Variants in MRPL1 observed in about 807,000 individuals in gnomAD.
MRPL1 encodes the protein mitochondrial ribosomal protein L1.
Under a neutral mutation model 38.0 loss-of-function variants are expected in MRPL1, and 28 were observed. That is an observed-to-expected ratio of 0.74 (90% CI 0.55 to 1.01). MRPL1 has a LOEUF of 1.01. Ranked by LOEUF, MRPL1 falls within the 50% of genes least tolerant of loss-of-function variation. The pLI, the probability that MRPL1 is intolerant of heterozygous loss-of-function variation, is 0.00. For synonymous variants in MRPL1, 123 were observed against 126.7 expected, an observed-to-expected ratio of 0.97 and a Z score of 0.20; for missense variants, 358 against 389.8, an observed-to-expected ratio of 0.92 and a Z score of 0.69.
chr4:77,865,362 CTTCTCATTTGAAGGCAA>C (rs1426286638), intron 1 of MRPL1, among the ~76,000 whole-genome samples: 1 of 151,902 alleles, frequency 6.6e-6, no homozygotes, highest in Non-Finnish European at 1.5e-5. Flanking sequence ...CAGTCTTTTT[CTTCTCATTTGAAGGCAA>C]TTCCATCCTT....
intron 7 of MRPL1, among the ~76,000 whole-genome samples, chr4:77,917,686 C>G (rs985554118): frequency 2.0e-5 from 3 of 151,858 alleles, no homozygotes; most frequent in African/African-American, 7.3e-5. Context: ...CTTTTTTCCT[C>G]AAGAAAAATA....
At chr4:77,879,951 C>CTAAAAGTGTACTAAAG (rs1474338437) in intron 2 of MRPL1, among the ~76,000 whole-genome samples, 16 of 152,120 alleles carry the variant, frequency 1.1e-4, no homozygotes, top group Non-Finnish European at 1.5e-5. Context: ...TAAGGATTTA[C>CTAAAAGTGTACTAAAG]TGAGTACTAA....
At chr4:77,883,557 GTTTC>G (rs772659330) in intron 3 of MRPL1, 57 bp downstream of exon 3, 33 of 1,434,906 alleles carry the variant, frequency 2.3e-5, no homozygotes, top group Non-Finnish European at 3.1e-5. Context: ...ATGAATTGGT[GTTTC>G]TTTATTTTAT....
intron 7 of MRPL1, among the ~76,000 whole-genome samples, chr4:77,921,623 C>T (rs75939945): frequency 0.044 from 6,719 of 152,120 alleles, 184 homozygotes; most frequent in African/African-American, 0.072. Flanking sequence ...TCAAAAAGTT[C>T]TGAGAAAAGT....
chr4:77,871,675 TTTAAAA>T, intron 1 of MRPL1, 63 bp from the exon 2 acceptor site: 1 of 741,134 alleles, frequency 1.3e-6, no homozygotes, highest in East Asian at 3.2e-5. Context: ...AGTACTGACT[TTTAAAA>T]TTAAAAAATT....
chr4:77,946,334 T>A (rs1737269207), intron 7 of MRPL1, among the ~76,000 whole-genome samples: 1 of 152,168 alleles, frequency 6.6e-6, no homozygotes, highest in Non-Finnish European at 1.5e-5. Context: ...TGTTATTCTG[T>A]TCTTTTTGAA....
intron 7 of MRPL1, among the ~76,000 whole-genome samples, chr4:77,941,795 T>A (rs190446401): frequency 4.7e-4 from 72 of 152,292 alleles, no homozygotes; most frequent in Non-Finnish European, 5.9e-5. Context: ...CTATCGATTT[T>A]ATTTATCTTT....
Position 77,949,782 on chromosome 4 carries a change from A to G in MRPL1, c.778-15A>G. ...CTTTCTCATCATTAATGTTATGTATATTATTTTCTTTCAGTTGGATATGTC... is the reference window on the plus strand; with the variant it reads ...CTTTCTCATCATTAATGTTATGTATGTTATTTTCTTTCAGTTGGATATGTC... On this transcript the variant is annotated splice_polypyrimidine_tract_variant and intron_variant, in intron 7 of 8. Coordinates refer to ENST00000315567, the MANE Select transcript of MRPL1 (RefSeq NM_020236.4). 1 of 1,514,024 alleles carries G rather than the reference A, an allele frequency of 6.6e-7. No individual in the cohort carries two copies. Among genetic ancestry groups the G allele is most frequent in the Non-Finnish European group, 9.1e-7 (1 of 1,092,950 alleles). The allele number at this position is 1,514,024 out of a possible 1,614,324, so 93.8% of individuals were successfully genotyped here.
chr4:77,889,729 C>G (rs193026140), intron 5 of MRPL1, among the ~76,000 whole-genome samples: 2 of 151,972 alleles, frequency 1.3e-5, no homozygotes, highest in African/African-American at 2.4e-5. Context: ...ATTGATAGAT[C>G]GCTAACAAGA....
chr4:77,867,871 T>C (rs973193103), intron 1 of MRPL1, among the ~76,000 whole-genome samples: 7 of 150,118 alleles, frequency 4.7e-5, no homozygotes, highest in Admixed American at 2.0e-4. Context: ...GTTCTCCTGC[T>C]TCAGCCTCCC....
intron 7 of MRPL1, among the ~76,000 whole-genome samples, chr4:77,912,852 A>G (rs1736320510): frequency 6.6e-6 from 1 of 152,180 alleles, no homozygotes. Context: ...AAAACAGTTA[A>G]TGGAATAGAA....
intron 7 of MRPL1, among the ~76,000 whole-genome samples, chr4:77,919,896 T>C: frequency 6.6e-6 from 1 of 151,980 alleles, no homozygotes; most frequent in South Asian, 2.1e-4. Context: ...CAGACTTTTA[T>C]GGCTGAATCC....
chr4:77,879,137 G>A (rs1735471495), intron 2 of MRPL1, among the ~76,000 whole-genome samples: 1 of 152,104 alleles, frequency 6.6e-6, no homozygotes, highest in South Asian at 2.1e-4. Flanking sequence ...CAGTATTTAA[G>A]GGTTCCTGAT....
chr4:77,866,267 G>A (rs566026865), intron 1 of MRPL1, among the ~76,000 whole-genome samples: 1 of 152,108 alleles, frequency 6.6e-6, no homozygotes, highest in Admixed American at 6.5e-5. Flanking sequence ...GACCAGGTTG[G>A]TCTTGAACTC....
chr4:77,888,021 T>C (rs1236682203), intron 5 of MRPL1, among the ~76,000 whole-genome samples: 1 of 152,180 alleles, frequency 6.6e-6, no homozygotes, highest in Non-Finnish European at 1.5e-5. Flanking sequence ...TATTCATGTT[T>C]TGAAGATCAA....
intron 7 of MRPL1, among the ~76,000 whole-genome samples, chr4:77,923,669 C>G (rs1224124055): frequency 1.3e-5 from 2 of 151,996 alleles, no homozygotes; most frequent in African/African-American, 4.8e-5. Context: ...GGTGTGGTGG[C>G]TCACACCTGT....
rs1283009402 is a variant in MRPL1, at chr4:77,885,246, A to T, written c.403-10A>T. 1 of 1,596,782 alleles carries T rather than the reference A, an allele frequency of 6.3e-7. No individual in the cohort carries two copies. Among genetic ancestry groups the T allele is most frequent in the South Asian group, 1.1e-5 (1 of 90,702 alleles). ...CTTTACGTAATTATTTTTCCTTGTC[A>T]TGTGTTTAGAAAAACGTGGAGCCAT... On this transcript the variant is annotated splice_polypyrimidine_tract_variant and intron_variant, in intron 3 of 8. Transcript: ENST00000315567.
intron 2 of MRPL1, 89 bp from the exon 3 acceptor site, chr4:77,883,153 T>G (rs1182871939): frequency 2.4e-6 from 2 of 840,116 alleles, no homozygotes; most frequent in Non-Finnish European, 3.4e-6. Context: ...CATCCTTTGT[T>G]TTTTTTTCTC....
chr4:77,901,840 T>C (rs1044862228), intron 6 of MRPL1, among the ~76,000 whole-genome samples: 4 of 152,184 alleles, frequency 2.6e-5, no homozygotes, highest in Non-Finnish European at 4.4e-5. Flanking sequence ...TGAACAACAC[T>C]CTTAGTCATC....
Sources: allele counts gnomAD v4.1 joint callset (sites outside exome capture counted in the v4.1 genomes callset), GRCh38; gene constraint gnomAD v4.1.1; transcripts MANE v1.5; gene names NCBI Gene and HGNC (gene_info 2026-07-23, HGNC 2026-07-21).